Variants in HMCN1 observed in about 807,000 individuals in gnomAD.
HMCN1 encodes hemicentin-1.
HMCN1 carries 321 observed loss-of-function variants against 625.9 expected under a neutral mutation model. The ratio of observed to expected loss-of-function variants is 0.51; its 90% confidence interval spans 0.47 to 0.56. HMCN1 has a LOEUF of 0.56. HMCN1 is among the 20% of genes least tolerant of loss of function. The pLI is 0.00. For missense variants in HMCN1, 6,588 were observed against 6,887.3 expected (o/e 0.96, Z 1.54); for synonymous variants, 2,425 against 2,417.6 (o/e 1.00, Z -0.09).
chr1:185,824,421 G>A (rs1660383938), intron 1 of HMCN1, among the ~76,000 whole-genome samples: 3 of 152,076 alleles, frequency 2.0e-5, no homozygotes, highest in Admixed American at 2.0e-4. Flanking sequence ...TAAATCATAG[G>A]CTTTTTGGGG....
chr1:186,145,318 T>C, intron 91 of HMCN1, 85 bp from the exon 92 acceptor site: 2 of 1,376,096 alleles, frequency 1.5e-6, no homozygotes, highest in South Asian at 1.5e-5. Flanking sequence ...AGACTTTTTT[T>C]TTAATACTTT....
At chr1:185,794,226 C>G (rs974637322) in intron 1 of HMCN1, among the ~76,000 whole-genome samples, 3 of 152,012 alleles carry the variant, frequency 2.0e-5, no homozygotes, top group African/African-American at 7.2e-5. Context: ...CCTAACAAGT[C>G]TGTAATGCAG....
At chr1:185,771,450 A>C (rs1403040471) in intron 1 of HMCN1, among the ~76,000 whole-genome samples, 1 of 152,220 alleles carries the variant, frequency 6.6e-6, no homozygotes, top group Non-Finnish European at 1.5e-5. Context: ...TAAAACATGC[A>C]GAGAGTTGGA....
chr1:186,165,216 G>T (rs920094074), intron 98 of HMCN1, 43 bp downstream of exon 98: 125 of 1,519,912 alleles, frequency 8.2e-5, no homozygotes, highest in Non-Finnish European at 1.0e-4. Context: ...TAATGAAAAT[G>T]TCAATATTGG....
chr1:186,130,909 C>G (rs1661901879), intron 85 of HMCN1, among the ~76,000 whole-genome samples: 1 of 152,110 alleles, frequency 6.6e-6, no homozygotes, highest in Non-Finnish European at 1.5e-5. Flanking sequence ...CTGCCTTGTT[C>G]CTTATCATTG....
chr1:185,887,455 C>G (rs1664738549), intron 4 of HMCN1, among the ~76,000 whole-genome samples: 1 of 147,872 alleles, frequency 6.8e-6, no homozygotes, highest in African/African-American at 2.5e-5. Context: ...TATCCCTCCC[C>G]CCTCCCCGCA....
At chr1:186,007,900 T>C (rs948141833) in intron 30 of HMCN1, among the ~76,000 whole-genome samples, 1 of 152,180 alleles carries the variant, frequency 6.6e-6, no homozygotes, top group Non-Finnish European at 1.5e-5. Flanking sequence ...CAAAGATTTA[T>C]ACAATAGAAA....
At chr1:186,184,883 A>G (rs1426564867) in intron 105 of HMCN1, among the ~76,000 whole-genome samples, 1 of 152,334 alleles carries the variant, frequency 6.6e-6, no homozygotes, top group East Asian at 1.9e-4. Flanking sequence ...CAGACATCAC[A>G]TCATCCATGA....
chr1:185,868,191 T>C (rs2057385), intron 4 of HMCN1, among the ~76,000 whole-genome samples: 35,893 of 152,014 alleles, frequency 0.24, 4,648 homozygotes, highest in Non-Finnish European at 0.29. Context: ...GTCCTGGGAA[T>C]GTGACTCCAT....
chr1:186,033,055 T>TAC (rs1350897437), intron 36 of HMCN1, among the ~76,000 whole-genome samples: 1 of 142,820 alleles, frequency 7.0e-6, no homozygotes, highest in African/African-American at 2.9e-5. Flanking sequence ...AAATGTGATA[T>TAC]ACACACACGC....
chr1:186,044,320 A>G (rs774541251), intron 40 of HMCN1, among the ~76,000 whole-genome samples: 74 of 152,162 alleles, frequency 4.9e-4, no homozygotes, highest in Non-Finnish European at 8.8e-4. Flanking sequence ...CAAATGCTCC[A>G]TTGGTCAATC....
In HMCN1 at chr1:185,995,067, A is replaced by G. The variant is rs1030233610; in HGVS notation, c.3758A>G (p.Glu1253Gly). 40 of 1,613,626 alleles carry G rather than the reference A, an allele frequency of 2.5e-5. No homozygotes were observed. Among genetic ancestry groups the G allele is most frequent in the Non-Finnish European group, 3.2e-5 (38 of 1,179,740 alleles). Residue 1253 changes from glutamate to glycine, a missense_variant, in exon 24 of 107, where the codon GAG (glutamate) becomes GGG (glycine). Glu to Gly is a moderately conservative substitution (Grantham distance 98). Coordinates refer to ENST00000271588, the MANE Select transcript of HMCN1 (RefSeq NM_031935.3). The part of the protein sequence containing the change: ...ATNIAGTDET[E>G]ITLHVQEPPT... Reference sequence around the variant, plus strand: ...AACATAGCAGGCACTGATGAAACAGAGATAACGCTACATGTCCAAGGTGAT... The same window carrying G: ...AACATAGCAGGCACTGATGAAACAGGGATAACGCTACATGTCCAAGGTGAT...
At position 185,981,023 on chromosome 1, in the gene HMCN1, A is replaced by G; in HGVS notation, c.2612A>G (p.Asn871Ser). ...GGAACCTATATTTGTGAAGCTGAAA[A>G]CCAGTTTGGAAAGATCCAGTCAGAG... is the stretch of plus-strand genomic sequence containing the variant. ...DKGTYICEAE[N>S]QFGKIQSETT... Residue 871 changes from asparagine to serine, a missense_variant, in exon 17 of 107, where the codon AAC becomes AGC. This residue lies in a region of HMCN1 where 4,628 missense variants were observed against 4,853.1 expected (regional missense o/e 0.95). Coordinates refer to ENST00000271588, the MANE Select transcript of HMCN1 (RefSeq NM_031935.3). The G allele has an allele frequency of 6.2e-7, 1 of 1,612,946 alleles. No homozygotes were observed. The highest frequency in any genetic ancestry group is 8.5e-7 in the Non-Finnish European group (1 of 1,179,022).
chr1:185,763,851 C>G (rs1422891023), intron 1 of HMCN1, among the ~76,000 whole-genome samples: 2 of 152,158 alleles, frequency 1.3e-5, no homozygotes, highest in South Asian at 4.1e-4. Flanking sequence ...TGTGCTATAA[C>G]ATTTCTAACA....
intron 49 of HMCN1, 33 bp from the exon 50 acceptor site, chr1:186,067,801 T>A: frequency 6.8e-7 from 1 of 1,480,044 alleles, no homozygotes; most frequent in Non-Finnish European, 9.4e-7. Context: ...AATTTCTACA[T>A]ATATTTCTTC....
chr1:185,926,329 A>C (rs1258919281), intron 9 of HMCN1, among the ~76,000 whole-genome samples: 2 of 152,100 alleles, frequency 1.3e-5, no homozygotes, highest in Admixed American at 6.5e-5. Context: ...TAACTAGGAC[A>C]TTTTCTACTC....
chr1:185,823,860 G>A (rs73072053), intron 1 of HMCN1, among the ~76,000 whole-genome samples: 11 of 152,066 alleles, frequency 7.2e-5, no homozygotes, highest in East Asian at 3.8e-4. Context: ...GGTTCATAGC[G>A]CAGTCAAGTG....
At chr1:186,168,259 G>A (rs1374917649) in intron 100 of HMCN1, among the ~76,000 whole-genome samples, 1 of 148,782 alleles carries the variant, frequency 6.7e-6, no homozygotes, top group Non-Finnish European at 1.5e-5. Context: ...GGAAGAGGAA[G>A]AAAAAAAAAC....
rs1477713508 is a variant in HMCN1 at position 186,018,826 on chromosome 1, A to C, written c.5470+474A>C. Among the ~76,000 whole-genome samples, 4 of 152,052 alleles carry C rather than the reference A, an allele frequency of 2.6e-5. No individual in the cohort carries two copies. The East Asian group carries it at 7.7e-4, about 29-fold the overall frequency. ...GGATCTGAGGGACATAAGTACATTC[A>C]CAAAACTGGCACATTAGGATTATAA... is the stretch of plus-strand genomic sequence containing the variant. On this transcript the variant is annotated intron_variant, in intron 34 of 106. Transcript: ENST00000271588.
Sources: allele counts gnomAD v4.1 joint callset (sites outside exome capture counted in the v4.1 genomes callset), GRCh38; gene constraint gnomAD v4.1.1; regional missense constraint gnomAD v4.1.1; transcripts MANE v1.5; gene names NCBI Gene and HGNC (gene_info 2026-07-23, HGNC 2026-07-21).